Variants in NXNL2 observed in about 807,000 individuals in gnomAD.
The protein encoded by NXNL2 is nucleoredoxin like 2.
A neutral mutation model predicts 11.1 loss-of-function variants in NXNL2; 7 were observed. The observed-to-expected ratio is 0.63, with a 90% CI of 0.36 to 1.18. The LOEUF (loss-of-function observed/expected upper bound fraction) is 1.18, where lower values mean the gene tolerates loss of function less well. NXNL2 is among the 50% of genes most tolerant of loss of function. NXNL2 has a pLI of 0.02. For missense variants in NXNL2, 233 were observed against 217.7 expected, an observed-to-expected ratio of 1.07 and a Z score of -0.44; for synonymous variants, 109 against 101.8, an observed-to-expected ratio of 1.07 and a Z score of -0.42.
intron 1 of NXNL2, among the ~76,000 whole-genome samples, chr9:88,556,004 T>C (rs1284946894): frequency 6.6e-6 from 1 of 152,200 alleles, no homozygotes; most frequent in Non-Finnish European, 1.5e-5. Context: ...GGCTTCCACC[T>C]TGGGTGCTGG....
In NXNL2 at chr9:88,535,285, G is replaced by T. The variant is rs189949041; in HGVS notation, c.-150G>T. On this transcript the variant is annotated 5_prime_UTR_variant, in exon 1 of 2. In the 5' UTR this introduces an upstream ATG that the reference lacks. Transcript: ENST00000375854. Reference sequence around the variant, plus strand: ...CCAGCCACAGGCGAGGCCTGGCCAAGGTGTGGGCGCATCTGGGGCAGGTCT... The same window carrying T: ...CCAGCCACAGGCGAGGCCTGGCCAATGTGTGGGCGCATCTGGGGCAGGTCT... The T allele has an allele frequency of 2.5e-4, 174 of 696,952 alleles. No homozygotes were observed. The highest frequency in any genetic ancestry group is 3.6e-4 in the Non-Finnish European group (154 of 433,056). The allele number at this position is 696,952 out of a possible 1,614,324, so 43.2% of individuals were successfully genotyped here. A position where few individuals can be genotyped will look rare whatever the true frequency, so the allele number is the denominator to read the frequency against.
At chr9:88,563,826 AC>A (rs1830123371) in intron 1 of NXNL2, among the ~76,000 whole-genome samples, 1 of 151,698 alleles carries the variant, frequency 6.6e-6, no homozygotes. Context: ...AATTGTTCAC[AC>A]CTCTGCCTAA....
At chr9:88,540,735 G>A (rs564466283) in intron 1 of NXNL2, among the ~76,000 whole-genome samples, 2 of 112,202 alleles carry the variant, frequency 1.8e-5, no homozygotes, top group Admixed American at 9.8e-5. Context: ...CCGGACTGCC[G>A]GGGTGGGGGC....
At chr9:88,572,770 C>T in intron 2 of NXNL2, among the ~76,000 whole-genome samples, 1 of 152,190 alleles carries the variant, frequency 6.6e-6, no homozygotes. Context: ...GGAGGTCCGG[C>T]ACTTTGACAG....
chr9:88,581,058 G>A (rs758452072), intron 1 of NXNL2, among the ~76,000 whole-genome samples: 49 of 152,192 alleles, frequency 3.2e-4, no homozygotes, highest in Admixed American at 1.4e-3. Flanking sequence ...ATGCTAACCC[G>A]GCTCACCTGG....
chr9:88,556,273 A>G (rs1830010128), intron 1 of NXNL2, among the ~76,000 whole-genome samples: 1 of 152,176 alleles, frequency 6.6e-6, no homozygotes, highest in African/African-American at 2.4e-5. Context: ...CCACCTGGCA[A>G]TGGCAGAGGG....
chr9:88,538,462 G>A (rs1829676229), intron 1 of NXNL2: 1 of 152,274 alleles, frequency 6.6e-6, no homozygotes, highest in African/African-American at 2.4e-5. Context: ...GGAGGCCACG[G>A]AGGATGCAGC....
chr9:88,572,570 T>G (rs1168038886), intron 2 of NXNL2, among the ~76,000 whole-genome samples: 1 of 152,122 alleles, frequency 6.6e-6, no homozygotes, highest in Non-Finnish European at 1.5e-5. Flanking sequence ...CCAGGCGACA[T>G]GCTCAGCAGC....
chr9:88,575,977 G>A (rs111514699), downstream of NXNL2, among the ~76,000 whole-genome samples: 7,601 of 152,192 alleles, frequency 0.05, 286 homozygotes, highest in African/African-American at 0.093. Context: ...GGTGAATCAC[G>A]AGGTCAGGAG....
chr9:88,554,050 T>G (rs1345443445), intron 1 of NXNL2, among the ~76,000 whole-genome samples: 1 of 152,158 alleles, frequency 6.6e-6, no homozygotes, highest in Non-Finnish European at 1.5e-5. Context: ...TCTCCAGGCC[T>G]GGGCTGACAT....
At chr9:88,561,984 C>T (rs117174773) in intron 1 of NXNL2, among the ~76,000 whole-genome samples, 2 of 152,134 alleles carry the variant, frequency 1.3e-5, no homozygotes, top group African/African-American at 4.8e-5. Context: ...CCCAAAGACA[C>T]GACCAGGAAT....
At chr9:88,562,342 G>T (rs1446547135) in intron 1 of NXNL2, among the ~76,000 whole-genome samples, 1 of 152,114 alleles carries the variant, frequency 6.6e-6, no homozygotes, top group East Asian at 1.9e-4. Context: ...TGCTGGAGGT[G>T]CTCTGCATCT....
At position 88,544,457 on chromosome 9, in the gene NXNL2, C is replaced by A; in HGVS notation, c.381C>A (p.Asn127Lys). The A allele has an allele frequency of 6.4e-7, 1 of 1,551,806 alleles. No individual in the cohort carries two copies. Among genetic ancestry groups the A allele is most frequent in the Middle Eastern group, 1.7e-4 (1 of 5,992 alleles). Residue 127 changes from asparagine to lysine, a missense_variant, in exon 2 of 2, where the codon AAC becomes AAA. Transcript: ENST00000375854. ...AACAAAATGGGGAGGTCATCACCAA[C>A]AAAGGGCGGAAGCAGATCCGGGAAC... ...IVKQNGEVIT[N>K]KGRKQIRERG...
intron 1 of NXNL2, among the ~76,000 whole-genome samples, chr9:88,555,909 T>C (rs893558371): frequency 6.6e-6 from 1 of 152,192 alleles, no homozygotes; most frequent in Non-Finnish European, 1.5e-5. Context: ...TCATGCCGGC[T>C]GTTGTGGTTG....
At chr9:88,576,002 G>A (rs1481605662), downstream of NXNL2, among the ~76,000 whole-genome samples, 3 of 152,154 alleles carry the variant, frequency 2.0e-5, no homozygotes, top group Non-Finnish European at 4.4e-5. Context: ...AGATCAGCCT[G>A]GCCAACATGG....
At position 88,544,427 on chromosome 9, in the gene NXNL2, T is replaced by G; in HGVS notation, c.351T>G (p.Ile117Met). Reference sequence around the variant, plus strand: ...TCACAGCCATCCCCAAGCTTGTGATTGTGAAACAAAATGGGGAGGTCATCA... The same window carrying G: ...TCACAGCCATCCCCAAGCTTGTGATGGTGAAACAAAATGGGGAGGTCATCA... ...YNVTAIPKLV[I>M]VKQNGEVITN... The change falls in exon 2 of 2, where the codon ATT becomes ATG. Residue 117 changes from isoleucine to methionine, a missense_variant. Physicochemically the swap from Ile to Met is conservative, Grantham distance 10. Coordinates refer to ENST00000375854, the MANE Select transcript of NXNL2 (RefSeq NM_001161625.2). 6.4e-7 allele frequency: 1 copy of G among 1,551,906 alleles called. No homozygotes were observed. The highest frequency in any genetic ancestry group is 8.7e-7 in the Non-Finnish European group (1 of 1,147,038).
chr9:88,546,535 C>T (rs894614000), downstream of NXNL2, among the ~76,000 whole-genome samples: 7 of 151,216 alleles, frequency 4.6e-5, no homozygotes, highest in Non-Finnish European at 1.0e-4. Flanking sequence ...GTTGCCTCAG[C>T]CTCCCGAGTA....
intron 1 of NXNL2, among the ~76,000 whole-genome samples, chr9:88,570,466 A>C (rs1830244522): frequency 6.6e-6 from 1 of 152,098 alleles, no homozygotes; most frequent in African/African-American, 2.4e-5. Flanking sequence ...TTTTTGGTGA[A>C]TAGAATATGG....
chr9:88,583,237 G>A (rs1018977747), intron 1 of NXNL2, among the ~76,000 whole-genome samples: 10 of 152,218 alleles, frequency 6.6e-5, no homozygotes, highest in African/African-American at 2.4e-4. Context: ...CCGCTGCACT[G>A]CAAACGTGGA....
Sources: allele counts gnomAD v4.1 joint callset (sites outside exome capture counted in the v4.1 genomes callset), GRCh38; gene constraint gnomAD v4.1.1; transcripts MANE v1.5; gene names NCBI Gene and HGNC (gene_info 2026-07-23, HGNC 2026-07-21).